Variants in ATG13 observed in about 807,000 individuals in gnomAD.
ATG13 encodes the protein autophagy-related protein 13.
In ATG13, 23 loss-of-function variants were observed where a neutral mutation model predicts 65.5. The ratio of observed to expected loss-of-function variants is 0.35; its 90% CI spans 0.25 to 0.50. The LOEUF (loss-of-function observed/expected upper bound fraction) is 0.50, where lower values mean the gene tolerates loss of function less well. Ranked by LOEUF, ATG13 falls within the 20% of genes least tolerant of loss-of-function variation. The pLI, the probability that ATG13 is intolerant of heterozygous loss-of-function variation, is 0.98. For synonymous variants in ATG13, 252 were observed against 245.2 expected (o/e 1.03, Z -0.26); for missense variants, 566 against 677.0 (o/e 0.84, Z 1.82).
At position 46,664,885 on chromosome 11, in the gene ATG13, C is replaced by A; in HGVS notation, c.925C>A (p.Leu309Met). The stretch of plus-strand genomic sequence containing the variant: ...TCGCCTTTCCTATCAGCCTGCTGCC[C>A]TGGGCGTTGGATCAGCTGACCTGGC... ...SSRLSYQPAA[L>M]GVGSADLAYP... Residue 309 changes from leucine (L) to methionine (M), a missense_variant, in exon 13 of 19, where the codon CTG (leucine) becomes ATG (methionine). By Grantham distance (15) the Leu-to-Met change is conservative. This residue lies in a region of ATG13 where 387 missense variants were observed against 409.8 expected (regional missense o/e 0.94). Transcript: ENST00000683050. 2 of 1,613,992 alleles carry A rather than the reference C, an allele frequency of 1.2e-6. No individual in the cohort carries two copies. The highest frequency in any genetic ancestry group is 1.7e-6 in the Non-Finnish European group (2 of 1,179,880).
chr11:46,624,032 A>C (rs1175146588), intron 1 of ATG13, among the ~76,000 whole-genome samples: 2 of 144,988 alleles, frequency 1.4e-5, no homozygotes, highest in Non-Finnish European at 3.0e-5. Context: ...TTTGAGATGG[A>C]GTCTCGCTGT....
chr11:46,630,519 A>G (rs903909557), intron 2 of ATG13, among the ~76,000 whole-genome samples: 5 of 151,854 alleles, frequency 3.3e-5, no homozygotes, highest in Non-Finnish European at 7.4e-5. Context: ...TGTTACATCC[A>G]GAAAGCTGAT....
rs371535902 is a variant in ATG13, at chr11:46,673,737, C to T, written c.*1405C>T. On this transcript the variant is annotated 3_prime_UTR_variant, in exon 19 of 19. Coordinates refer to ENST00000683050, the MANE Select transcript of ATG13 (RefSeq NM_001346311.2). ...GAATAAGTCAAGTGCCTAGCCTCAC[C>T]CACCTATGATCTGTCCTTTCCCAGC... The T allele has an allele frequency of 6.6e-6, 1 of 152,182 alleles. No homozygotes were observed. Among genetic ancestry groups the T allele is most frequent in the Non-Finnish European group, 1.5e-5 (1 of 68,030 alleles). The allele number at this position is 152,182 out of a possible 1,614,324, so 9.4% of individuals were successfully genotyped here. A position where few individuals can be genotyped will look rare whatever the true frequency, so the allele number is the denominator to read the frequency against.
intron 10 of ATG13, among the ~76,000 whole-genome samples, chr11:46,658,744 C>T (rs1414801918): frequency 2.0e-5 from 3 of 152,072 alleles, no homozygotes; most frequent in Non-Finnish European, 2.9e-5. Context: ...CCATGTTGGT[C>T]AGGCTGGTCT....
chr11:46,622,151 C>G (rs1418153298), intron 1 of ATG13, among the ~76,000 whole-genome samples: 1 of 121,708 alleles, frequency 8.2e-6, no homozygotes, highest in Non-Finnish European at 1.7e-5. Context: ...TGGTATTTGC[C>G]CTGTTTCCCA....
rs1160552686 is a variant in ATG13, at chr11:46,667,830, C to G, written c.1194C>G (p.Val398=). The part of the protein sequence containing the change: ...SSEGRASPHD[V]LETIFVRKVG... ...AGGGACGGGCCTCCCCTCACGATGTCTTGGAGACCATCTTTGTCCGAAAAG... is the reference window on the plus strand; with the variant it reads ...AGGGACGGGCCTCCCCTCACGATGTGTTGGAGACCATCTTTGTCCGAAAAG... Residue 398 remains valine, a synonymous_variant, in exon 15 of 19, where the codon GTC becomes GTG. Transcript: ENST00000683050. 1 of 1,612,882 alleles carries G rather than the reference C, an allele frequency of 6.2e-7. No homozygotes were observed.
intron 8 of ATG13, chr11:46,656,823 G>T: frequency 2.4e-6 from 1 of 420,798 alleles, no homozygotes; most frequent in South Asian, 4.7e-5. Flanking sequence ...CTCTTTGAAG[G>T]TAGCTTTATC....
intron 7 of ATG13, among the ~76,000 whole-genome samples, chr11:46,656,003 G>A (rs1270666398): frequency 1.3e-5 from 2 of 152,216 alleles, no homozygotes; most frequent in Non-Finnish European, 2.9e-5. Context: ...TCACAGGCAT[G>A]AGCCACTGTG....
At chr11:46,662,573 C>A (rs2136946668) in intron 11 of ATG13, among the ~76,000 whole-genome samples, 1 of 152,290 alleles carries the variant, frequency 6.6e-6, no homozygotes, top group East Asian at 1.9e-4. Context: ...TATCAACAGT[C>A]TGCACTCCAT....
intron 1 of ATG13, among the ~76,000 whole-genome samples, chr11:46,624,353 G>C (rs889140740): frequency 2.0e-5 from 3 of 152,090 alleles, no homozygotes; most frequent in African/African-American, 7.2e-5. Context: ...GTATACAGTT[G>C]GGTTCAAATG....
At chr11:46,658,453 T>G (rs528447923) in intron 10 of ATG13, among the ~76,000 whole-genome samples, 5 of 152,198 alleles carry the variant, frequency 3.3e-5, no homozygotes, top group African/African-American at 1.2e-4. Flanking sequence ...CCCGGCACTT[T>G]GGGAAGCTGA....
chr11:46,664,202 T>G, intron 12 of ATG13, 107 bp downstream of exon 12: 1 of 905,568 alleles, frequency 1.1e-6, no homozygotes, highest in Non-Finnish European at 1.6e-6. Flanking sequence ...AAGTGTTCTG[T>G]GGGATTATTT....
chr11:46,638,028 A>C (rs2054586602), intron 2 of ATG13, among the ~76,000 whole-genome samples: 2 of 152,172 alleles, frequency 1.3e-5, no homozygotes, highest in Non-Finnish European at 2.9e-5. Context: ...AATTATACAT[A>C]TTTATGGGGT....
intron 14 of ATG13, among the ~76,000 whole-genome samples, chr11:46,667,122 G>A (rs182905081): frequency 1.5e-3 from 228 of 152,298 alleles, no homozygotes; most frequent in African/African-American, 5.2e-3. Flanking sequence ...GGTCATAAGA[G>A]CTCAAAAGCC....
intron 11 of ATG13, 31 bp from the exon 12 acceptor site, chr11:46,663,966 T>TTTTCCTTTC: frequency 7.8e-7 from 1 of 1,289,950 alleles, no homozygotes. Flanking sequence ...TTTTTTTTGT[T>TTTTCCTTTC]TCTCCTGTCT....
At chr11:46,624,343 G>A (rs1030767542) in intron 1 of ATG13, among the ~76,000 whole-genome samples, 4 of 152,134 alleles carry the variant, frequency 2.6e-5, no homozygotes, top group Non-Finnish European at 4.4e-5. Context: ...CTGTTACCTA[G>A]TATACAGTTG....
Position 46,650,234 on chromosome 11 carries a change from G to C in ATG13, c.375G>C (p.Leu125=). 2 of 1,614,138 alleles carry C rather than the reference G, an allele frequency of 1.2e-6. No homozygotes were observed. Among genetic ancestry groups the C allele is most frequent in the Non-Finnish European group, 1.7e-6 (2 of 1,180,016 alleles). ...TGTACAACAGACTGTCATTGCTGCTGAAGTCCCTTCTTGCTATAACTAGGG... is the reference window on the plus strand; with the variant it reads ...TGTACAACAGACTGTCATTGCTGCTCAAGTCCCTTCTTGCTATAACTAGGG... The part of the protein sequence containing the change: ...YTVYNRLSLL[L]KSLLAITRVT... The change falls in exon 7 of 19, where the codon CTG becomes CTC. Residue 125 remains leucine, a synonymous_variant. Coordinates refer to ENST00000683050, the MANE Select transcript of ATG13 (RefSeq NM_001346311.2).
chr11:46,644,678 C>A (rs752081864), intron 3 of ATG13, among the ~76,000 whole-genome samples: 6 of 151,736 alleles, frequency 4.0e-5, no homozygotes, highest in Non-Finnish European at 7.4e-5. Flanking sequence ...GGAACAAAGA[C>A]CATCAGCTGG....
chr11:46,637,922 G>A (rs980578441), intron 2 of ATG13, among the ~76,000 whole-genome samples: 7 of 152,158 alleles, frequency 4.6e-5, no homozygotes, highest in Non-Finnish European at 1.0e-4. Flanking sequence ...GTCCTAAGTT[G>A]GAGGACGTGG....
Sources: allele counts gnomAD v4.1 joint callset (sites outside exome capture counted in the v4.1 genomes callset), GRCh38; gene constraint gnomAD v4.1.1; regional missense constraint gnomAD v4.1.1; transcripts MANE v1.5; gene names NCBI Gene and HGNC (gene_info 2026-07-23, HGNC 2026-07-21).